SGCD: variants seen among roughly 807,000 people sequenced by gnomAD.
The protein encoded by SGCD is delta-sarcoglycan.
Under a neutral mutation model 36.6 loss-of-function variants are expected in SGCD, and 18 were observed. The observed-to-expected ratio is 0.49, with a 90% CI of 0.34 to 0.73. The LOEUF (loss-of-function observed/expected upper bound fraction) is 0.73, where lower values mean the gene tolerates loss of function less well. Among genes scored for constraint, SGCD ranks in the 30% least tolerant of loss-of-function variants. The pLI is 0.01. For synonymous variants in SGCD, 133 were observed against 130.6 expected (o/e 1.02, Z -0.12); for missense variants, 387 against 346.7 (o/e 1.12, Z -0.92).
chr5:156,307,250 G>A (rs1767240582), intron 3 of SGCD, among the ~76,000 whole-genome samples: 1 of 152,026 alleles, frequency 6.6e-6, no homozygotes, highest in East Asian at 1.9e-4. Flanking sequence ...CTTTGACCAT[G>A]TTGCCTAGGC....
intron 3 of SGCD, among the ~76,000 whole-genome samples, chr5:156,260,068 T>C (rs1765817815): frequency 6.6e-6 from 1 of 152,190 alleles, no homozygotes; most frequent in East Asian, 1.9e-4. Flanking sequence ...CACTGTTCAC[T>C]GAATTCTATT....
intron 1 of SGCD, among the ~76,000 whole-genome samples, chr5:156,107,804 T>C (rs1761682705): frequency 1.3e-5 from 2 of 152,170 alleles, no homozygotes; most frequent in Admixed American, 1.3e-4. Context: ...TTACTCTCCA[T>C]GGAAACAGCA....
chr5:156,327,149 G>A (rs1767848038), upstream of SGCD: 1 of 152,162 alleles, frequency 6.6e-6, no homozygotes, highest in South Asian at 2.1e-4. Context: ...AGCGGGCCGA[G>A]TGGCCACCTC....
intron 2 of SGCD, among the ~76,000 whole-genome samples, chr5:156,330,444 T>C (rs1207920907): frequency 2.0e-5 from 3 of 152,156 alleles, no homozygotes; most frequent in Non-Finnish European, 4.4e-5. Flanking sequence ...TGTAAGATGA[T>C]CTGATACCTC....
At chr5:155,997,573 G>A (rs1342981083) in intron 1 of SGCD, among the ~76,000 whole-genome samples, 4 of 152,214 alleles carry the variant, frequency 2.6e-5, no homozygotes, top group South Asian at 2.1e-4. Context: ...ATGGGACATT[G>A]TTCCTCTCTT....
chr5:156,545,227 C>T (rs913904407), intron 4 of SGCD, among the ~76,000 whole-genome samples: 3 of 152,080 alleles, frequency 2.0e-5, no homozygotes, highest in African/African-American at 7.2e-5. Context: ...CACCCCACAA[C>T]CAAACTTGTC....
intron 4 of SGCD, among the ~76,000 whole-genome samples, chr5:156,529,815 A>T (rs1757810960): frequency 6.6e-6 from 1 of 152,214 alleles, no homozygotes. Flanking sequence ...AGCACTCTAT[A>T]AATTATTAAC....
intron 3 of SGCD, among the ~76,000 whole-genome samples, chr5:156,375,637 G>T (rs1770621931): frequency 2.0e-5 from 3 of 152,246 alleles, no homozygotes; most frequent in South Asian, 4.1e-4. Context: ...GTTCAAAGCT[G>T]AGGAAAAGCT....
At chr5:156,292,425 G>T (rs566410173) in intron 3 of SGCD, among the ~76,000 whole-genome samples, 1 of 152,086 alleles carries the variant, frequency 6.6e-6, no homozygotes, top group Non-Finnish European at 1.5e-5. Context: ...GTTTATTCAA[G>T]TTGTAGCATA....
the SGCD span, among the ~76,000 whole-genome samples, chr5:155,850,635 T>G: frequency 6.6e-6 from 1 of 152,184 alleles, no homozygotes; most frequent in African/African-American, 2.4e-5. Flanking sequence ...AAACATTTGC[T>G]GAGTGATTAT....
At chr5:156,099,896 A>G (rs2127596395) in intron 1 of SGCD, among the ~76,000 whole-genome samples, 1 of 151,474 alleles carries the variant, frequency 6.6e-6, no homozygotes, top group South Asian at 2.1e-4. Flanking sequence ...TTTTTATGTT[A>G]ATATATGCAG....
At chr5:156,180,004 G>A (rs1321647995) in intron 3 of SGCD, among the ~76,000 whole-genome samples, 1 of 152,200 alleles carries the variant, frequency 6.6e-6, no homozygotes, top group African/African-American at 2.4e-5. Flanking sequence ...CTTCAGAGAT[G>A]TGGTGATGGA....
intron 7 of SGCD, chr5:156,739,730 C>T (rs1756569870): frequency 6.6e-6 from 1 of 152,126 alleles, no homozygotes. Flanking sequence ...TTTAAACAGT[C>T]AGAACCATGG....
At chr5:156,567,872 T>A (rs185293813) in intron 4 of SGCD, among the ~76,000 whole-genome samples, 20 of 152,252 alleles carry the variant, frequency 1.3e-4, no homozygotes, top group African/African-American at 4.6e-4. Context: ...AGTGATATGA[T>A]CTTTATTATT....
chr5:156,442,462 T>G (rs959850175), intron 3 of SGCD, among the ~76,000 whole-genome samples: 1 of 152,210 alleles, frequency 6.6e-6, no homozygotes, highest in Non-Finnish European at 1.5e-5. Context: ...TGGTGGTTGT[T>G]AAATTATTTC....
chr5:156,034,852 T>C (rs1409131172), intron 1 of SGCD, among the ~76,000 whole-genome samples: 2 of 152,226 alleles, frequency 1.3e-5, no homozygotes, highest in African/African-American at 2.4e-5. Context: ...ATTTGTTGGA[T>C]AAATGTGTCA....
chr5:155,924,697 A>T (rs1180713440), intron 1 of SGCD, among the ~76,000 whole-genome samples: 2 of 152,178 alleles, frequency 1.3e-5, no homozygotes, highest in Non-Finnish European at 2.9e-5. Context: ...GGATCTCAGT[A>T]TGTCCTTAGG....
intron 3 of SGCD, among the ~76,000 whole-genome samples, chr5:156,419,697 T>G (rs1400369568): frequency 6.6e-6 from 1 of 152,170 alleles, no homozygotes. Context: ...TTTATTAGTT[T>G]CATAAGTGGG....
At chr5:155,977,862 G>A (rs190950207) in intron 1 of SGCD, among the ~76,000 whole-genome samples, 2 of 152,144 alleles carry the variant, frequency 1.3e-5, no homozygotes, top group South Asian at 2.1e-4. Flanking sequence ...TTGGGAGGCC[G>A]AGGTGGGCAG....
Sources: gnomAD v4.1 joint callset for allele counts (sites outside exome capture counted in the v4.1 genomes callset) on GRCh38, gnomAD v4.1.1 for gene constraint, MANE v1.5 for transcripts, NCBI Gene and HGNC (gene_info 2026-07-23, HGNC 2026-07-21) for gene names.